The following SYNRG variants were observed in gnomAD, a reference collection of about 807,000 sequenced individuals.
The protein encoded by SYNRG is AP1 gamma subunit binding protein 1.
In SYNRG, 37 loss-of-function variants were observed where a neutral mutation model predicts 130.9. The observed-to-expected ratio is 0.28, with a 90% CI of 0.22 to 0.37. The LOEUF (loss-of-function observed/expected upper bound fraction) is 0.37, where lower values mean the gene tolerates loss of function less well. SYNRG is among the 10% of genes least tolerant of loss of function. SYNRG has a pLI of 1.00. For synonymous variants in SYNRG, 539 were observed against 568.1 expected, an observed-to-expected ratio of 0.95 and a Z score of 0.73; for missense variants, 1,338 against 1,588.9, an observed-to-expected ratio of 0.84 and a Z score of 2.68.
rs1296072989 is a variant in SYNRG, at chr17:37,586,484, C to T, written c.306G>A (p.Leu102=). 2 of 1,614,178 alleles carry T rather than the reference C, an allele frequency of 1.2e-6. No homozygotes were observed. The highest frequency in any genetic ancestry group is 1.7e-6 in the Non-Finnish European group (2 of 1,180,038). The change falls in exon 4 of 22, where the codon CTG becomes CTA. Residue 102 remains leucine, a synonymous_variant. Coordinates refer to ENST00000612223, the MANE Select transcript of SYNRG (RefSeq NM_007247.6). ...GMPYLGQAPF[L]GMRPPGPQYT... ...ACTGTGGGCCTGGAGGACGCATGCCCAGGAAGGGTGCTTGTCCTAGGTAAG... is the reference window on the plus strand; with the variant it reads ...ACTGTGGGCCTGGAGGACGCATGCCTAGGAAGGGTGCTTGTCCTAGGTAAG...
Position 37,539,331 on chromosome 17 carries a change from G to A in SYNRG, c.3367-86C>T. Reference sequence around the variant, plus strand: ...CTCTGTCAATTCAAAGTGCTTGGAGGACTTTCCTTTTTATTACGATCACTC... The same window carrying A: ...CTCTGTCAATTCAAAGTGCTTGGAGAACTTTCCTTTTTATTACGATCACTC... On this transcript the variant is annotated intron_variant, in intron 16 of 21. Coordinates refer to ENST00000612223, the MANE Select transcript of SYNRG (RefSeq NM_007247.6). 3 of 1,405,836 alleles carry A rather than the reference G, an allele frequency of 2.1e-6. No homozygotes were observed. In the East Asian group the frequency reaches 6.9e-5, roughly 32 times the overall value. 87.1% of individuals were successfully genotyped at this position (1,405,836 alleles called of 1,614,324 possible). A position where few individuals can be genotyped will look rare whatever the true frequency, so the allele number is the denominator to read the frequency against.
chr17:37,540,033 A>T (rs1454823715), intron 16 of SYNRG, among the ~76,000 whole-genome samples: 1 of 152,218 alleles, frequency 6.6e-6, no homozygotes, highest in Admixed American at 6.5e-5. Flanking sequence ...AGACAGAAAT[A>T]AAAAATTCAG....
chr17:37,578,479 T>C (rs1473874176), intron 6 of SYNRG, among the ~76,000 whole-genome samples: 1 of 152,188 alleles, frequency 6.6e-6, no homozygotes, highest in African/African-American at 2.4e-5. Flanking sequence ...AAGAGTGTAG[T>C]GGAAGGAGCA....
chr17:37,590,177 A>T (rs868684242), intron 3 of SYNRG, among the ~76,000 whole-genome samples: 106 of 151,024 alleles, frequency 7.0e-4, no homozygotes, highest in African/African-American at 2.6e-3. Context: ...CAAAAAAAAA[A>T]AAAAGAAAAG....
At position 37,553,365 on chromosome 17, in the gene SYNRG, G is replaced by A. The variant is rs747385024; in HGVS notation, c.2358C>T (p.Ser786=). Residue 786 remains serine, a synonymous_variant, in exon 14 of 22, where the codon TCC becomes TCT. Transcript: ENST00000612223. The part of the protein sequence containing the change: ...FADFHSSKFS[S]INSDKSLGEK... ...CTCCCAGGGATTTGTCCGAGTTTAT[G>A]GAAGAAAATTTACTGGAGTGGAAGT... is the stretch of plus-strand genomic sequence containing the variant. 1.5e-5 allele frequency: 24 copies of A among 1,614,058 alleles called. No homozygotes were observed. Among genetic ancestry groups the A allele is most frequent in the African/African-American group, 1.3e-5 (1 of 74,918 alleles).
At chr17:37,591,583 T>C (rs1472758154) in intron 3 of SYNRG, among the ~76,000 whole-genome samples, 1 of 152,212 alleles carries the variant, frequency 6.6e-6, no homozygotes, top group Non-Finnish European at 1.5e-5. Context: ...GACTGTGTTA[T>C]TGGTGAAGGA....
rs1394287421 is a variant in SYNRG, at chr17:37,570,870, T to C, written c.1114A>G (p.Met372Val). The C allele has an allele frequency of 2.4e-5, 38 of 1,613,672 alleles. No individual in the cohort carries two copies. Among genetic ancestry groups the C allele is most frequent in the Non-Finnish European group, 3.1e-5 (36 of 1,179,906 alleles). ...AACTGGTTTAAAGCATCAGGACTCA[T>C]TGCAGGAACGCCCCTCTACAAATGA... is the stretch of plus-strand genomic sequence containing the variant. ...IAVTQRGVPA[M>V]SPDALNQFPA... The change falls in exon 10 of 22, where the codon ATG becomes GTG. Residue 372 changes from methionine (M) to valine (V), a missense_variant. By Grantham distance (21) the Met-to-Val change is conservative. Coordinates refer to ENST00000612223, the MANE Select transcript of SYNRG (RefSeq NM_007247.6).
chr17:37,609,183 A>G, intron 1 of SYNRG, 96 bp downstream of exon 1: 2 of 1,263,842 alleles, frequency 1.6e-6, no homozygotes, highest in Non-Finnish European at 2.0e-6. Context: ...GTTCCAAGGA[A>G]AAGGATCAGG....
chr17:37,550,340 T>A (rs1365530525), intron 14 of SYNRG, among the ~76,000 whole-genome samples: 1 of 152,170 alleles, frequency 6.6e-6, no homozygotes, highest in Non-Finnish European at 1.5e-5. Context: ...AAACAAAGGC[T>A]AAAATGTACC....
chr17:37,588,575 C>T (rs902558395), intron 3 of SYNRG, among the ~76,000 whole-genome samples: 1 of 152,028 alleles, frequency 6.6e-6, no homozygotes, highest in Non-Finnish European at 1.5e-5. Context: ...CTTGGAATGC[C>T]TTTGGAGGGT....
chr17:37,519,390 T>C (rs906896270), intron 21 of SYNRG, among the ~76,000 whole-genome samples: 4 of 152,134 alleles, frequency 2.6e-5, no homozygotes, highest in Non-Finnish European at 5.9e-5. Flanking sequence ...GGGCTGTGGA[T>C]AGCTTTCATC....
At chr17:37,584,539 A>C in intron 6 of SYNRG, 109 bp downstream of exon 6, 1 of 818,282 alleles carries the variant, frequency 1.2e-6, no homozygotes, top group Non-Finnish European at 2.0e-6. Flanking sequence ...GCTTGAAGGA[A>C]GAGTTCTACA....
Position 37,541,144 on chromosome 17 carries a change from C to T in SYNRG, c.3203-601G>A, listed in dbSNP as rs2057721468. ...ATCACTGGAGTCTGGAGAACAAAAG[C>T]ACCTTTCTAAATATCAGTATGTAAG... On this transcript the variant is annotated intron_variant, in intron 15 of 21. Coordinates refer to ENST00000612223, the MANE Select transcript of SYNRG (RefSeq NM_007247.6). 10 of 985,378 alleles carry T rather than the reference C, an allele frequency of 1.0e-5. No individual in the cohort carries two copies. In the South Asian group the frequency reaches 3.3e-4, roughly 32 times the overall value. 61.0% of individuals were successfully genotyped at this position (985,378 alleles called of 1,614,324 possible).
intron 19 of SYNRG, among the ~76,000 whole-genome samples, chr17:37,530,773 G>A (rs1053995680): frequency 2.6e-5 from 4 of 152,182 alleles, no homozygotes; most frequent in South Asian, 2.1e-4. Flanking sequence ...GCTTCTGTTC[G>A]CAATATTCTG....
intron 1 of SYNRG, among the ~76,000 whole-genome samples, chr17:37,603,579 A>T (rs1431803133): frequency 6.6e-6 from 1 of 152,228 alleles, no homozygotes; most frequent in Non-Finnish European, 1.5e-5. Flanking sequence ...TGAGAACATT[A>T]ACCTTCTCAT....
At chr17:37,557,849 G>GAA (rs374587323) in intron 13 of SYNRG, among the ~76,000 whole-genome samples, 2 of 144,048 alleles carry the variant, frequency 1.4e-5, no homozygotes, top group Non-Finnish European at 3.1e-5. Context: ...CTGTCTCTCA[G>GAA]AAAAAAAAAA....
intron 1 of SYNRG, among the ~76,000 whole-genome samples, chr17:37,602,473 G>A (rs1391845969): frequency 6.6e-6 from 1 of 152,118 alleles, no homozygotes; most frequent in African/African-American, 2.4e-5. Flanking sequence ...GAAAACCAAG[G>A]GAGTGCTTAT....
In SYNRG at chr17:37,542,480, G is replaced by A; in HGVS notation, c.2694C>T (p.Asp898=). The A allele has an allele frequency of 6.2e-7, 1 of 1,613,826 alleles. No individual in the cohort carries two copies. The highest frequency in any genetic ancestry group is 8.5e-7 in the Non-Finnish European group (1 of 1,180,030). ...TTCTGCCCTGAGTTGCATCATCCCTGTCTGACCAGTCATAGCTTGTAAGTG... is the reference window on the plus strand; with the variant it reads ...TTCTGCCCTGAGTTGCATCATCCCTATCTGACCAGTCATAGCTTGTAAGTG... ...VSTLTSYDWS[D]RDDATQGRKL... Residue 898 remains aspartate, a synonymous_variant, in exon 15 of 22, where the codon GAC becomes GAT. Transcript: ENST00000612223.
At chr17:37,528,230 C>T (rs2056190088) in intron 19 of SYNRG, among the ~76,000 whole-genome samples, 1 of 152,128 alleles carries the variant, frequency 6.6e-6, no homozygotes, top group South Asian at 2.1e-4. Flanking sequence ...CACTTCTTGG[C>T]TCGTGGTCCT....
Sources: gnomAD v4.1 joint callset for allele counts (sites outside exome capture counted in the v4.1 genomes callset) on GRCh38, gnomAD v4.1.1 for gene constraint, MANE v1.5 for transcripts, NCBI Gene and HGNC (gene_info 2026-07-23, HGNC 2026-07-21) for gene names.